The following SAMD3 variants were observed in gnomAD, a reference collection of about 807,000 sequenced individuals.
SAMD3 encodes the protein sterile alpha motif domain-containing protein 3.
A neutral mutation model predicts 58.5 loss-of-function variants in SAMD3; 63 were observed. The ratio of observed to expected loss-of-function variants is 1.08; its 90% CI spans 0.88 to 1.33. SAMD3 has a LOEUF of 1.33. Ranked by LOEUF, SAMD3 falls within the 40% of genes most tolerant of loss-of-function variation. The probability of loss-of-function intolerance (pLI) is 0.00; values close to 1 mark genes in which losing one functional copy is unlikely to be tolerated. For missense variants in SAMD3, 604 were observed against 608.4 expected, an observed-to-expected ratio of 0.99 and a Z score of 0.08; for synonymous variants, 220 against 210.3, an observed-to-expected ratio of 1.05 and a Z score of -0.40.
chr6:130,346,492 A>G (rs1247196009), intron 1 of SAMD3, among the ~76,000 whole-genome samples: 1 of 152,234 alleles, frequency 6.6e-6, no homozygotes, highest in Non-Finnish European at 1.5e-5. Context: ...CCAGTCTGAC[A>G]TCAAACTGCA....
intron 8 of SAMD3, among the ~76,000 whole-genome samples, chr6:130,174,532 A>C (rs1453171363): frequency 6.6e-6 from 1 of 152,178 alleles, no homozygotes; most frequent in African/African-American, 2.4e-5. Context: ...TGGGTACCTC[A>C]GTTGGAAATG....
At chr6:130,213,324 T>A (rs9492491) in intron 4 of SAMD3, among the ~76,000 whole-genome samples, 108,058 of 149,982 alleles carry the variant, frequency 0.72, 39,011 homozygotes, top group Middle Eastern at 0.77. Flanking sequence ...TTTTTTTTTT[T>A]TAAAAAAAAT....
Position 130,154,895 on chromosome 6 carries a change from T to G in SAMD3, c.953A>C (p.Lys318Thr). ...RMSQTLEIRR[K>T]MIGSRTPLKD... ...CAGAGGTGTTCGGCTGCCAATCATC[T>G]TTCTTCTTATTTCCAAAGTTTGGCT... Residue 318 changes from lysine to threonine, a missense_variant, in exon 9 of 12, where the codon AAG becomes ACG. Coordinates refer to ENST00000439090, the MANE Select transcript of SAMD3 (RefSeq NM_001017373.4). 1.2e-6 allele frequency: 2 copies of G among 1,613,552 alleles called. No homozygotes were observed. The highest frequency in any genetic ancestry group is 1.7e-6 in the Non-Finnish European group (2 of 1,179,800).
chr6:130,296,612 C>T (rs767908166), intron 2 of SAMD3, among the ~76,000 whole-genome samples: 29 of 152,280 alleles, frequency 1.9e-4, no homozygotes, highest in Non-Finnish European at 3.8e-4. Flanking sequence ...GCTTCACCCT[C>T]GCTGAAAGTG....
chr6:130,220,672 G>A (rs921891055), intron 1 of SAMD3, among the ~76,000 whole-genome samples: 1 of 152,166 alleles, frequency 6.6e-6, no homozygotes, highest in South Asian at 2.1e-4. Context: ...TACTTACTAT[G>A]AGGCTAGTTT....
At chr6:130,152,229 T>C (rs1215686050) in intron 9 of SAMD3, among the ~76,000 whole-genome samples, 1 of 152,178 alleles carries the variant, frequency 6.6e-6, no homozygotes, top group Non-Finnish European at 1.5e-5. Flanking sequence ...AACTGTCCTC[T>C]TACGGGATCA....
chr6:130,346,587 C>T (rs1485337268), intron 1 of SAMD3, among the ~76,000 whole-genome samples: 4 of 152,202 alleles, frequency 2.6e-5, no homozygotes, highest in South Asian at 2.1e-4. Context: ...CTGGGAAGCT[C>T]GAACTGGGTG....
intron 1 of SAMD3, among the ~76,000 whole-genome samples, chr6:130,358,833 C>T (rs948522182): frequency 2.0e-5 from 3 of 152,048 alleles, no homozygotes; most frequent in Non-Finnish European, 4.4e-5. Context: ...TCTCCTTAAC[C>T]CCTACTCATA....
chr6:130,258,158 G>A (rs534734955), intron 2 of SAMD3, among the ~76,000 whole-genome samples: 4 of 152,156 alleles, frequency 2.6e-5, no homozygotes, highest in South Asian at 2.1e-4. Context: ...ATTCTTGTAT[G>A]TATCTTTTGA....
intron 1 of SAMD3, among the ~76,000 whole-genome samples, chr6:130,337,331 T>C (rs1777129728): frequency 6.6e-6 from 1 of 152,204 alleles, no homozygotes; most frequent in Admixed American, 6.5e-5. Flanking sequence ...ACCATGATTA[T>C]AAGTTTCCTG....
At chr6:130,297,880 G>C (rs190557143) in intron 2 of SAMD3, among the ~76,000 whole-genome samples, 1 of 152,172 alleles carries the variant, frequency 6.6e-6, no homozygotes, top group Admixed American at 6.5e-5. Flanking sequence ...AGAAATATAG[G>C]ATTATGTAAA....
At chr6:130,295,201 G>A (rs189167409) in intron 2 of SAMD3, among the ~76,000 whole-genome samples, 66 of 152,172 alleles carry the variant, frequency 4.3e-4, no homozygotes, top group Non-Finnish European at 8.8e-4. Flanking sequence ...GGGATTATAG[G>A]CGTGAGCCAC....
chr6:130,183,362 A>G (rs972517521), intron 7 of SAMD3: 1 of 450,246 alleles, frequency 2.2e-6, no homozygotes, highest in African/African-American at 2.0e-5. Flanking sequence ...AAAAAAAAAA[A>G]AAAGAACTGC....
chr6:130,229,371 A>G (rs1282696815), intron 2 of SAMD3, among the ~76,000 whole-genome samples: 6 of 152,238 alleles, frequency 3.9e-5, no homozygotes, highest in Admixed American at 3.3e-4. Context: ...AGCCCTAGGA[A>G]GTAAGAGTGG....
At position 130,204,520 on chromosome 6, in the gene SAMD3, C is replaced by G. The variant is rs568124679; in HGVS notation, c.383+4975G>C. Among the ~76,000 whole-genome samples the G allele has an allele frequency of 3.3e-3, 493 of 150,754 alleles. 4 individuals are homozygous for G. The highest frequency in any genetic ancestry group is 9.7e-3 in the African/African-American group (394 of 40,766). On this transcript the variant is annotated intron_variant, in intron 5 of 11. Transcript: ENST00000439090. ...ACTGAGGTGGGAGGACTGTTTGAGC[C>G]TGGGAAGTGGAGATTGCAATGAGCT...
intron 2 of SAMD3, among the ~76,000 whole-genome samples, chr6:130,307,889 G>A (rs952703117): frequency 3.3e-5 from 5 of 152,182 alleles, no homozygotes; most frequent in Non-Finnish European, 7.3e-5. Context: ...AAACCAGTTT[G>A]TGTATAGCCA....
In SAMD3 at chr6:130,175,620, T is replaced by C. The variant is rs1791653088; in HGVS notation, c.822+221A>G. 8.2e-6 allele frequency: 3 copies of C among 364,634 alleles called. No individual in the cohort carries two copies. In the East Asian group the frequency reaches 1.3e-4, roughly 16 times the overall value. 22.6% of individuals were successfully genotyped at this position (364,634 alleles called of 1,614,324 possible). On this transcript the variant is annotated intron_variant, in intron 8 of 11. Coordinates refer to ENST00000439090, the MANE Select transcript of SAMD3 (RefSeq NM_001017373.4). ...AGTTTTTGAAGGTTGTGAAAAAAAC[T>C]GGACACGAGATGTTCAGTAATTGTT...
intron 1 of SAMD3, among the ~76,000 whole-genome samples, chr6:130,324,563 T>C (rs770878947): frequency 9.2e-5 from 14 of 152,238 alleles, no homozygotes; most frequent in Non-Finnish European, 4.4e-5. Context: ...GGAGTGTTTG[T>C]ATCAGCTTAC....
chr6:130,326,574 T>C (rs964805919), intron 1 of SAMD3, among the ~76,000 whole-genome samples: 3 of 152,278 alleles, frequency 2.0e-5, no homozygotes, highest in African/African-American at 7.2e-5. Context: ...TGTGCTCCTT[T>C]TGGGTAGGAA....
Sources: gnomAD v4.1 joint callset for allele counts (sites outside exome capture counted in the v4.1 genomes callset) on GRCh38, gnomAD v4.1.1 for gene constraint, MANE v1.5 for transcripts, NCBI Gene and HGNC (gene_info 2026-07-23, HGNC 2026-07-21) for gene names.